The following PAK3 variants were observed in gnomAD, a reference collection of about 807,000 sequenced individuals.
The protein encoded by PAK3 is p21 (RAC1) activated kinase 3, also known as serine/threonine-protein kinase PAK 3.
Under a neutral mutation model 41.0 loss-of-function variants are expected in PAK3, and 4 were observed. That is an observed-to-expected ratio of 0.10 (90% CI 0.05 to 0.22). PAK3 has a LOEUF of 0.22. Ranked by LOEUF, PAK3 falls within the 10% of genes least tolerant of loss-of-function variation. The pLI is 1.00. For missense variants in PAK3, 205 were observed against 409.9 expected (o/e 0.50, Z 4.32); for synonymous variants, 146 against 139.6 (o/e 1.05, Z -0.32).
At chrX:111,052,245 C>T (rs1177260850) in intron 1 of PAK3, among the ~76,000 whole-genome samples, 1 of 112,561 alleles carries the variant, frequency 8.9e-6, no homozygotes, top group Non-Finnish European at 1.9e-5. Flanking sequence ...AAGAAGCAGG[C>T]AAGCATCAGA....
At chrX:111,154,811 T>A (rs1406551374) in intron 8 of PAK3, among the ~76,000 whole-genome samples, 1 of 111,479 alleles carries the variant, frequency 9.0e-6, no homozygotes, top group Admixed American at 9.5e-5. Flanking sequence ...ATACTTTACC[T>A]CCTTTGACTT....
chrX:111,011,096 A>T (rs1374145283), intron 1 of PAK3, among the ~76,000 whole-genome samples: 1 of 111,816 alleles, frequency 8.9e-6, no homozygotes, highest in African/African-American at 3.3e-5. Context: ...TGCTCAAAAG[A>T]TGGTGCCTCT....
Position 111,220,945 on chromosome X carries a change from C to CAAAAAAAAAAAAAAAAAAAAAAAAAA in PAK3, c.*515_*516insAAAAAAAAAAAAAAAAAAAAAAAAAA. On this transcript the variant is annotated 3_prime_UTR_variant, in exon 18 of 18. Transcript: ENST00000372007. Reference sequence around the variant, plus strand: ...AAAAAAGAAAGCAAAAAAAGCAAGGCAAAAAAAAAAAAAAAAACAAACAAA... The same window carrying CAAAAAAAAAAAAAAAAAAAAAAAAAA: ...AAAAAAGAAAGCAAAAAAAGCAAGGCAAAAAAAAAAAAAAAAAAAAAAAAAAAAAAAAAAAAAAAAAAACAAACAAA... The CAAAAAAAAAAAAAAAAAAAAAAAAAA allele has an allele frequency of 5.9e-4, 29 of 49,399 alleles. No homozygotes were observed. The highest frequency in any genetic ancestry group is 1.4e-3 in the South Asian group (1 of 726). The allele number at this position is 49,399 out of a possible 1,213,427, so 4.1% of individuals were successfully genotyped here.
At chrX:110,989,240 A>G (rs957283496) in intron 1 of PAK3, among the ~76,000 whole-genome samples, 2 of 111,780 alleles carry the variant, frequency 1.8e-5, no homozygotes, top group African/African-American at 6.5e-5. Context: ...CCTTGCAGGA[A>G]CCTACTACTC....
intron 5 of PAK3, among the ~76,000 whole-genome samples, chrX:111,141,778 A>G (rs1404241688): frequency 8.9e-6 from 1 of 112,173 alleles, no homozygotes; most frequent in African/African-American, 3.2e-5. Context: ...AGTAAGTGAT[A>G]TTTGATTCAA....
chrX:110,994,041 T>C (rs768228587), intron 1 of PAK3, among the ~76,000 whole-genome samples: 16 of 112,328 alleles, frequency 1.4e-4, no homozygotes, highest in South Asian at 3.7e-4. Flanking sequence ...AACAATGATA[T>C]AGTGTTCTTT....
chrX:111,196,709 T>C (rs1011106858), intron 16 of PAK3, 69 bp downstream of exon 16: 20 of 802,416 alleles, frequency 2.5e-5, no homozygotes, highest in Non-Finnish European at 3.6e-5. Context: ...ATTTCTGGCT[T>C]CCACCAAAAG....
At chrX:110,947,541 C>A (rs1431235803) in intron 1 of PAK3, among the ~76,000 whole-genome samples, 2 of 111,889 alleles carry the variant, frequency 1.8e-5, no homozygotes, top group African/African-American at 6.5e-5. Context: ...CACACACACA[C>A]AAACACACAG....
rs999842021 is a variant in PAK3 at position 110,966,145 on chromosome X, A to T, written c.-28+21517A>T. On this transcript the variant is annotated intron_variant, in intron 1 of 14. Coordinates refer to the PAK3 transcript ENST00000425146. ...AAAAAAGAAATGTATATTTTTTTCA[A>T]TAAGAATATGGGTTTCCACAGCTGG... 2.7e-5 allele frequency among the ~76,000 whole-genome samples: 3 copies of T among 112,094 alleles called. No individual in the cohort carries two copies. The Admixed American group carries it at 2.8e-4, about 11-fold the overall frequency.
intron 10 of PAK3, among the ~76,000 whole-genome samples, chrX:111,168,531 T>A (rs2094293846): frequency 8.9e-6 from 1 of 111,867 alleles, no homozygotes; most frequent in African/African-American, 3.2e-5. Flanking sequence ...CACTCTCCTG[T>A]GAAGGGCGAT....
intron 1 of PAK3, among the ~76,000 whole-genome samples, chrX:110,971,238 C>T (rs976958958): frequency 1.8e-5 from 2 of 112,062 alleles, no homozygotes; most frequent in Middle Eastern, 4.6e-3. Flanking sequence ...GCTGTCACCA[C>T]CCAATCCACC....
chrX:110,956,847 CA>C (rs1368885579), intron 1 of PAK3, among the ~76,000 whole-genome samples: 1 of 111,883 alleles, frequency 8.9e-6, no homozygotes, highest in African/African-American at 3.3e-5. Context: ...GCCATAGTGA[CA>C]ATTCCTACCT....
chrX:111,190,377 A>G lies in PAK3; in HGVS notation c.831-1750A>G, dbSNP rs1459980718. Among the ~76,000 whole-genome samples, 7 of 111,873 alleles carry G rather than the reference A, an allele frequency of 6.3e-5. No individual in the cohort carries two copies. In the Admixed American group the frequency reaches 6.7e-4, roughly 11 times the overall value. On this transcript the variant is annotated intron_variant, in intron 11 of 17. Transcript: ENST00000372007. ...TGAACCTCAGTTCATCATATGTAACATGGGAATAATAGCATCTGCCTTATA... is the reference window on the plus strand; with the variant it reads ...TGAACCTCAGTTCATCATATGTAACGTGGGAATAATAGCATCTGCCTTATA...
intron 1 of PAK3, among the ~76,000 whole-genome samples, chrX:111,078,567 C>G (rs987425120): frequency 3.6e-5 from 4 of 111,063 alleles, no homozygotes; most frequent in African/African-American, 1.3e-4. Flanking sequence ...CCTCCCATCT[C>G]TCTCCTTCTC....
chrX:110,945,431 A>T (rs1411920751), intron 1 of PAK3, among the ~76,000 whole-genome samples: 4 of 111,609 alleles, frequency 3.6e-5, no homozygotes, highest in East Asian at 5.6e-4. Context: ...GTTGCTTAGG[A>T]CTTTCTGGAT....
intron 5 of PAK3, among the ~76,000 whole-genome samples, chrX:111,141,593 T>C (rs2093873034): frequency 8.9e-6 from 1 of 112,358 alleles, no homozygotes; most frequent in Non-Finnish European, 1.9e-5. Flanking sequence ...GAAGAGTCTA[T>C]TAAGATATGG....
intron 1 of PAK3, among the ~76,000 whole-genome samples, chrX:111,062,631 T>A (rs2092666931): frequency 9.0e-6 from 1 of 111,229 alleles, no homozygotes; most frequent in South Asian, 3.8e-4. Flanking sequence ...GCATCTTGCT[T>A]GCAAGAAGAG....
At position 111,224,822 on chromosome X, in the gene PAK3, T is replaced by C. The variant is rs2094945641; in HGVS notation, c.*4375T>C. 8.9e-6 allele frequency: 1 copy of C among 112,622 alleles called. No individual in the cohort carries two copies. Among genetic ancestry groups the C allele is most frequent in the Non-Finnish European group, 1.9e-5 (1 of 53,348 alleles). 9.3% of individuals were successfully genotyped at this position (112,622 alleles called of 1,213,427 possible). On this transcript the variant is annotated 3_prime_UTR_variant, in exon 18 of 18. Coordinates refer to ENST00000372007, the MANE Select transcript of PAK3 (RefSeq NM_002578.5). ...GCTTAGTTTCACTAAAAGCAGACCC[T>C]ATACCTAGAGAAGTCACTGGCTTTT...
intron 16 of PAK3, among the ~76,000 whole-genome samples, chrX:111,206,500 A>G (rs919271256): frequency 5.3e-5 from 6 of 112,460 alleles, no homozygotes; most frequent in African/African-American, 1.9e-4. Flanking sequence ...AAAGGAGCAC[A>G]TTTAAGCTAG....
Sources: gnomAD v4.1 joint callset for allele counts (sites outside exome capture counted in the v4.1 genomes callset) on GRCh38, gnomAD v4.1.1 for gene constraint, MANE v1.5 for transcripts, NCBI Gene and HGNC (gene_info 2026-07-23, HGNC 2026-07-21) for gene names.